The following CCDC30 variants were observed in gnomAD, a reference collection of about 807,000 sequenced individuals.
The protein encoded by CCDC30 is coiled-coil domain-containing protein 30.
CCDC30 carries 70 observed loss-of-function variants against 100.2 expected under a neutral mutation model. That is an observed-to-expected ratio of 0.70 (90% CI 0.58 to 0.85). The LOEUF (loss-of-function observed/expected upper bound fraction) is 0.85. CCDC30 is among the 40% of genes least tolerant of loss of function. CCDC30 has a pLI of 0.00. For synonymous variants in CCDC30, 233 were observed against 269.5 expected (o/e 0.86, Z 1.33); for missense variants, 652 against 771.2 (o/e 0.85, Z 1.83).
chr1:42,623,920 A>G (rs1159571391), intron 11 of CCDC30, among the ~76,000 whole-genome samples: 1 of 152,098 alleles, frequency 6.6e-6, no homozygotes, highest in Non-Finnish European at 1.5e-5. Context: ...TTAGTGTTCT[A>G]TAGTTTTCAG....
At chr1:42,617,477 G>C (rs1646747977) in intron 11 of CCDC30, among the ~76,000 whole-genome samples, 1 of 152,082 alleles carries the variant, frequency 6.6e-6, no homozygotes, top group South Asian at 2.1e-4. Flanking sequence ...ATCAAGACAG[G>C]GGAATTGCAA....
chr1:42,479,093 G>T (rs187046765), intron 1 of CCDC30, among the ~76,000 whole-genome samples: 1 of 152,212 alleles, frequency 6.6e-6, no homozygotes, highest in East Asian at 1.9e-4. Context: ...ATATATTCTT[G>T]GGCTGGACGC....
chr1:42,547,157 G>C (rs1010892287), intron 6 of CCDC30, among the ~76,000 whole-genome samples: 1 of 152,158 alleles, frequency 6.6e-6, no homozygotes, highest in Non-Finnish European at 1.5e-5. Flanking sequence ...TTGGAGTGAC[G>C]ATGGGGAAGG....
At chr1:42,519,743 C>T (rs1225060841) in intron 6 of CCDC30, among the ~76,000 whole-genome samples, 1 of 151,510 alleles carries the variant, frequency 6.6e-6, no homozygotes, top group Admixed American at 6.6e-5. Flanking sequence ...TTAGTAGAGA[C>T]AGGGTTTCAC....
At chr1:42,461,704 G>A (rs1053919721), upstream of CCDC30, among the ~76,000 whole-genome samples, 7 of 152,028 alleles carry the variant, frequency 4.6e-5, no homozygotes, top group Admixed American at 2.6e-4. Flanking sequence ...CCGCCACCAC[G>A]CCCAGCTAAT....
At chr1:42,623,642 T>C (rs1016076937) in intron 11 of CCDC30, among the ~76,000 whole-genome samples, 2 of 152,222 alleles carry the variant, frequency 1.3e-5, no homozygotes, top group Non-Finnish European at 2.9e-5. Context: ...CATAGCTCTG[T>C]GTATAATTTG....
At chr1:42,515,707 A>G (rs1385716107) in intron 6 of CCDC30, among the ~76,000 whole-genome samples, 5 of 152,224 alleles carry the variant, frequency 3.3e-5, no homozygotes, top group African/African-American at 1.2e-4. Flanking sequence ...CAAAGGGACT[A>G]AGATACTCCC....
chr1:42,573,424 A>G (rs928667301), intron 7 of CCDC30, among the ~76,000 whole-genome samples: 2 of 152,154 alleles, frequency 1.3e-5, no homozygotes, highest in Non-Finnish European at 1.5e-5. Flanking sequence ...TTATTTCCCA[A>G]TATATAGAAA....
chr1:42,496,465 A>AATATAT lies in CCDC30; in HGVS notation c.242-625_242-620dup, dbSNP rs148092977. On this transcript the variant is annotated intron_variant, in intron 4 of 16. Transcript: ENST00000668663. The stretch of plus-strand genomic sequence containing the variant: ...CTTTGTCTGTTTGTATATTACTATA[A>AATATAT]ATATATATATATAAATGTCTGAAAA... Among the ~76,000 whole-genome samples, 49 of 151,150 alleles carry AATATAT rather than the reference A, an allele frequency of 3.2e-4. No individual in the cohort carries two copies. In the East Asian group the frequency reaches 5.6e-3, roughly 17 times the overall value.
intron 9 of CCDC30, among the ~76,000 whole-genome samples, chr1:42,587,639 C>T (rs1384886083): frequency 1.3e-5 from 2 of 152,076 alleles, no homozygotes; most frequent in Non-Finnish European, 2.9e-5. Context: ...TAATTGTCCC[C>T]CAATAACCTG....
At chr1:42,639,403 C>A (rs764436257) in intron 12 of CCDC30, among the ~76,000 whole-genome samples, 11 of 152,122 alleles carry the variant, frequency 7.2e-5, no homozygotes, top group Non-Finnish European at 5.9e-5. Context: ...GAGTAATTAA[C>A]CCTGACAACA....
exon 10 of CCDC30, chr1:42,589,397 A>G (rs775777828): frequency 1.2e-6 from 2 of 1,613,892 alleles, no homozygotes; most frequent in Non-Finnish European, 1.7e-6. Context: ...TCTACTGGAA[A>G]TGACCTGTTC....
intron 11 of CCDC30, among the ~76,000 whole-genome samples, chr1:42,634,262 A>AC (rs1647102668): frequency 1.3e-5 from 2 of 151,202 alleles, no homozygotes; most frequent in African/African-American, 4.8e-5. Flanking sequence ...AAAAAAAAAA[A>AC]AAAAAAAAAA....
downstream of CCDC30, among the ~76,000 whole-genome samples, chr1:42,655,123 G>A (rs1419691488): frequency 6.6e-6 from 1 of 152,104 alleles, no homozygotes; most frequent in Admixed American, 6.6e-5. Flanking sequence ...TTAATTTACT[G>A]TATATACCAT....
chr1:42,630,389 CT>C (rs539277593), intron 11 of CCDC30, among the ~76,000 whole-genome samples: 106 of 141,936 alleles, frequency 7.5e-4, no homozygotes, highest in African/African-American at 1.9e-3. Context: ...TTCTTTTTTT[CT>C]TTTTTTTTTT....
intron 6 of CCDC30, among the ~76,000 whole-genome samples, chr1:42,551,740 C>G (rs1645255502): frequency 1.7e-5 from 2 of 116,072 alleles, no homozygotes; most frequent in African/African-American, 6.6e-5. Context: ...AGGATAAATT[C>G]TGGTGTGTGT....
exon 17 of CCDC30, chr1:42,654,093 C>A: frequency 8.6e-7 from 1 of 1,166,098 alleles, no homozygotes; most frequent in African/African-American, 1.5e-5. Flanking sequence ...AAAAGGTGGA[C>A]CATGACATTG....
chr1:42,607,349 C>T (rs1483485460), intron 10 of CCDC30, among the ~76,000 whole-genome samples: 1 of 152,060 alleles, frequency 6.6e-6, no homozygotes, highest in Non-Finnish European at 1.5e-5. Context: ...AGAGGTTTAG[C>T]TTTAAAAATG....
chr1:42,456,323 AG>A, the CCDC30 span: 2 of 600,352 alleles, frequency 3.3e-6, no homozygotes, highest in Non-Finnish European at 5.8e-6. Context: ...AACGAACGTG[AG>A]GGAACGTGAC....
Sources: gnomAD v4.1 joint callset for allele counts (sites outside exome capture counted in the v4.1 genomes callset) on GRCh38, gnomAD v4.1.1 for gene constraint, MANE v1.5 for transcripts, NCBI Gene and HGNC (gene_info 2026-07-23, HGNC 2026-07-21) for gene names.